Variants in PLEKHD1 observed in about 807,000 individuals in gnomAD.
PLEKHD1 encodes the protein pleckstrin homology and coiled-coil domain containing D1, also known as pleckstrin homology domain-containing family D member 1.
In PLEKHD1, 51 loss-of-function variants were observed where a neutral mutation model predicts 69.2. The ratio of observed to expected loss-of-function variants is 0.74; its 90% CI spans 0.59 to 0.93. PLEKHD1 has a LOEUF of 0.93. Among genes scored for constraint, PLEKHD1 ranks in the 40% least tolerant of loss-of-function variants. The pLI is 0.00. For synonymous variants in PLEKHD1, 236 were observed against 244.7 expected (o/e 0.96, Z 0.33); for missense variants, 584 against 641.0 (o/e 0.91, Z 0.96).
At chr14:69,489,950 T>C (rs1882739478) in intron 1 of PLEKHD1, among the ~76,000 whole-genome samples, 1 of 152,190 alleles carries the variant, frequency 6.6e-6, no homozygotes, top group Non-Finnish European at 1.5e-5. Context: ...CACTGCAACC[T>C]CTGCCTCCCA....
chr14:69,514,649 C>T (rs1280943803), intron 6 of PLEKHD1, among the ~76,000 whole-genome samples: 4 of 151,220 alleles, frequency 2.6e-5, no homozygotes, highest in Non-Finnish European at 5.9e-5. Context: ...GTTGAATGCC[C>T]TTTATTTTTT....
At chr14:69,493,856 A>G (rs1253929722) in intron 1 of PLEKHD1, among the ~76,000 whole-genome samples, 1 of 152,246 alleles carries the variant, frequency 6.6e-6, no homozygotes, top group Non-Finnish European at 1.5e-5. Context: ...ACACATGGGG[A>G]CAGAAAAGGG....
chr14:69,477,735 C>T, the PLEKHD1 span, among the ~76,000 whole-genome samples: 62 of 152,378 alleles, frequency 4.1e-4, no homozygotes, highest in Non-Finnish European at 6.6e-4. Flanking sequence ...CTCCATGTCT[C>T]GCATCCAGGT....
chr14:69,487,657 G>A (rs1226857197), intron 1 of PLEKHD1, among the ~76,000 whole-genome samples: 1 of 152,212 alleles, frequency 6.6e-6, no homozygotes, highest in Non-Finnish European at 1.5e-5. Flanking sequence ...TTGAGCTGAA[G>A]GGTCAACTTA....
Position 69,503,129 on chromosome 14 carries a change from G to A in PLEKHD1, c.555+250G>A, listed in dbSNP as rs142602955. 1,468 of 511,104 alleles carry A rather than the reference G, an allele frequency of 2.9e-3. 13 individuals are homozygous for A. Among genetic ancestry groups the A allele is most frequent in the African/African-American group, 0.022 (1,130 of 51,886 alleles). The allele number at this position is 511,104 out of a possible 1,614,324, so 31.7% of individuals were successfully genotyped here. On this transcript the variant is annotated intron_variant, in intron 6 of 12. Coordinates refer to ENST00000322564, the MANE Select transcript of PLEKHD1 (RefSeq NM_001161498.2). Reference sequence around the variant, plus strand: ...GGTGGGTGATGACCTTCTAGAGAAAGAGCCATCCAAAGTGTCATCAGCTGC... The same window carrying A: ...GGTGGGTGATGACCTTCTAGAGAAAAAGCCATCCAAAGTGTCATCAGCTGC...
intron 7 of PLEKHD1, 37 bp from the exon 8 acceptor site, chr14:69,524,192 A>G: frequency 6.8e-7 from 1 of 1,462,368 alleles, no homozygotes; most frequent in Non-Finnish European, 9.4e-7. Flanking sequence ...GGGTGGGGAG[A>G]GTGGGCACTG....
the PLEKHD1 span, among the ~76,000 whole-genome samples, chr14:69,472,417 C>T: frequency 8.5e-4 from 129 of 152,276 alleles, no homozygotes; most frequent in Non-Finnish European, 8.8e-4. Context: ...TTACCGGGAC[C>T]GCGTGAGTTA....
At position 69,500,859 on chromosome 14, in the gene PLEKHD1, T is replaced by C. The variant is rs1390459716; in HGVS notation, c.334-12T>C. On this transcript the variant is annotated splice_polypyrimidine_tract_variant and intron_variant, in intron 3 of 12. Transcript: ENST00000322564. Reference sequence around the variant, plus strand: ...GCCTCTCAGGCATGCGCATGGCTCCTCTTCCTGGCAGGGGAACATCTTGCT... The same window carrying C: ...GCCTCTCAGGCATGCGCATGGCTCCCCTTCCTGGCAGGGGAACATCTTGCT... 6.4e-7 allele frequency: 1 copy of C among 1,551,594 alleles called. No individual in the cohort carries two copies. The highest frequency in any genetic ancestry group is 2.0e-5 in the Admixed American group (1 of 51,012).
Position 69,526,760 on chromosome 14 carries a change from G to A in PLEKHD1, c.987G>A (p.Gln329=), listed in dbSNP as rs890364109. 1.3e-6 allele frequency: 2 copies of A among 1,550,470 alleles called. No homozygotes were observed. Among genetic ancestry groups the A allele is most frequent in the African/African-American group, 2.7e-5 (2 of 73,040 alleles). The change falls in exon 10 of 13, where the codon CAG becomes CAA. Residue 329 remains glutamine (Q), a synonymous_variant. Transcript: ENST00000322564. ...AGGAGCGTGAGTTCTACTCCAGCCA[G>A]TCCCAGGCACTGCAGAACTCGCTGC... The part of the protein sequence containing the change: ...LEEEREFYSS[Q]SQALQNSLQE...
chr14:69,520,664 G>A (rs186406060), intron 6 of PLEKHD1, among the ~76,000 whole-genome samples: 42 of 152,304 alleles, frequency 2.8e-4, no homozygotes, highest in Middle Eastern at 3.4e-3. Flanking sequence ...GGGAGGCAGA[G>A]GTTGCAGTGA....
intron 1 of PLEKHD1, among the ~76,000 whole-genome samples, chr14:69,489,494 G>T (rs145445544): frequency 7.3e-4 from 98 of 133,930 alleles, no homozygotes; most frequent in East Asian, 1.3e-3. Context: ...AGGAGGTGGA[G>T]GTTGCAATGA....
chr14:69,485,154 A>G (rs1444459095), intron 1 of PLEKHD1, 40 bp downstream of exon 1: 36 of 1,535,526 alleles, frequency 2.3e-5, no homozygotes, highest in Non-Finnish European at 2.9e-5. Context: ...CGCCGGGGAG[A>G]GAGCCTGGGC....
intron 1 of PLEKHD1, among the ~76,000 whole-genome samples, chr14:69,487,232 A>C (rs1882674488): frequency 7.1e-6 from 1 of 141,186 alleles, no homozygotes; most frequent in Non-Finnish European, 1.6e-5. Flanking sequence ...CACGCTATTT[A>C]GTCTTGGGTC....
Position 69,526,846 on chromosome 14 carries a change from T to A in PLEKHD1, c.1056+17T>A. The A allele has an allele frequency of 6.6e-7, 1 of 1,522,868 alleles. No homozygotes were observed. The highest frequency in any genetic ancestry group is 1.9e-4 in the Middle Eastern group (1 of 5,310). The allele number at this position is 1,522,868 out of a possible 1,614,324, so 94.3% of individuals were successfully genotyped here. The stretch of plus-strand genomic sequence containing the variant: ...GAGCTCAAGGTGCGACCTGGCCTGC[T>A]GGTGCCAGGGCCCTTCCCCTTCCCT... On this transcript the variant is annotated intron_variant, in intron 10 of 12. Coordinates refer to ENST00000322564, the MANE Select transcript of PLEKHD1 (RefSeq NM_001161498.2).
chr14:69,505,370 T>G (rs1232014876), intron 6 of PLEKHD1, among the ~76,000 whole-genome samples: 1 of 152,228 alleles, frequency 6.6e-6, no homozygotes, highest in East Asian at 1.9e-4. Flanking sequence ...GCCTGTCTCC[T>G]GCACTTTTCC....
At chr14:69,470,484 T>G in the PLEKHD1 span, among the ~76,000 whole-genome samples, 3 of 150,384 alleles carry the variant, frequency 2.0e-5, no homozygotes, top group African/African-American at 7.3e-5. Flanking sequence ...AATGGCTGAG[T>G]TGGTATTTGA....
At chr14:69,495,385 C>G (rs1489849808) in intron 1 of PLEKHD1, among the ~76,000 whole-genome samples, 1 of 152,196 alleles carries the variant, frequency 6.6e-6, no homozygotes, top group African/African-American at 2.4e-5. Context: ...CACTCCTGCT[C>G]AAAGCCTTCC....
chr14:69,470,356 G>A, the PLEKHD1 span, among the ~76,000 whole-genome samples: 5 of 151,782 alleles, frequency 3.3e-5, no homozygotes, highest in Middle Eastern at 3.2e-3. Flanking sequence ...CCAGCTACTC[G>A]GGATACTGAG....
intron 1 of PLEKHD1, among the ~76,000 whole-genome samples, chr14:69,492,393 T>C (rs1006168882): frequency 6.6e-5 from 10 of 152,210 alleles, no homozygotes; most frequent in Admixed American, 6.5e-5. Flanking sequence ...ACTCTTCCTA[T>C]ACCTAATATA....
Sources: gnomAD v4.1 joint callset for allele counts (sites outside exome capture counted in the v4.1 genomes callset) on GRCh38, gnomAD v4.1.1 for gene constraint, MANE v1.5 for transcripts, NCBI Gene and HGNC (gene_info 2026-07-23, HGNC 2026-07-21) for gene names.